THSD4: variants seen among roughly 807,000 people sequenced by gnomAD.
THSD4 encodes thrombospondin type 1 domain containing 4, also known as thrombospondin type-1 domain-containing protein 4.
In THSD4, 69 loss-of-function variants were observed where a neutral mutation model predicts 119.0. The ratio of observed to expected loss-of-function variants is 0.58; its 90% CI spans 0.48 to 0.71. THSD4 has a LOEUF of 0.71. THSD4 is among the 30% of genes least tolerant of loss of function. The pLI, the probability that THSD4 is intolerant of heterozygous loss-of-function variation, is 0.00. For synonymous variants in THSD4, 524 were observed against 540.4 expected, an observed-to-expected ratio of 0.97 and a Z score of 0.42; for missense variants, 1,393 against 1,391.1, an observed-to-expected ratio of 1.00 and a Z score of -0.02.
intron 15 of THSD4, among the ~76,000 whole-genome samples, chr15:71,763,859 G>T (rs1270287021): frequency 6.6e-6 from 1 of 152,176 alleles, no homozygotes; most frequent in African/African-American, 2.4e-5. Context: ...GGGTTCAGGA[G>T]TTCAAGACCA....
chr15:71,645,423 A>G (rs1168753802), intron 7 of THSD4, among the ~76,000 whole-genome samples: 2 of 152,174 alleles, frequency 1.3e-5, no homozygotes, highest in African/African-American at 4.8e-5. Flanking sequence ...ACTTACCATC[A>G]TGAGAATAGC....
intron 6 of THSD4, among the ~76,000 whole-genome samples, chr15:71,350,842 A>G (rs866388066): frequency 6.6e-6 from 1 of 152,128 alleles, no homozygotes; most frequent in Middle Eastern, 3.4e-3. Flanking sequence ...TTCCAGGCAA[A>G]CCACGTGGCC....
intron 3 of THSD4, among the ~76,000 whole-genome samples, chr15:71,213,248 C>G (rs1246268024): frequency 6.6e-6 from 1 of 152,164 alleles, no homozygotes; most frequent in Non-Finnish European, 1.5e-5. Flanking sequence ...GTCACATTGC[C>G]TTTGTCTCTG....
chr15:71,776,338 G>C (rs1337526145), intron 17 of THSD4, among the ~76,000 whole-genome samples: 1 of 152,140 alleles, frequency 6.6e-6, no homozygotes, highest in Non-Finnish European at 1.5e-5. Flanking sequence ...ACTCACAAAG[G>C]ATCAGATCCA....
intron 8 of THSD4, among the ~76,000 whole-genome samples, chr15:71,711,592 G>A (rs1349167948): frequency 6.6e-6 from 1 of 152,096 alleles, no homozygotes; most frequent in East Asian, 1.9e-4. Context: ...ATGACTCGTT[G>A]TAAATACAGA....
intron 3 of THSD4, among the ~76,000 whole-genome samples, chr15:71,172,710 T>A (rs1290079499): frequency 8.7e-6 from 1 of 115,042 alleles, no homozygotes; most frequent in Non-Finnish European, 1.7e-5. Flanking sequence ...TATATATATA[T>A]ATATATATAT....
chr15:71,163,253 AT>A lies in THSD4; in HGVS notation c.99+8332del, dbSNP rs199649613. ...TGTCTGTGCATCTAGTAAAACAGTC[AT>A]TTTTTTTTTTAAACCTCTGCAATTA... On this transcript the variant is annotated intron_variant, in intron 3 of 17. Coordinates refer to ENST00000261862, the MANE Select transcript of THSD4 (RefSeq NM_024817.3). Among the ~76,000 whole-genome samples, 975 of 144,268 alleles carry A rather than the reference AT, an allele frequency of 6.8e-3. 4 individuals are homozygous for A. Among genetic ancestry groups the A allele is most frequent in the African/African-American group, 0.014 (561 of 39,592 alleles). 94.6% of individuals were successfully genotyped at this position (144,268 alleles called of 152,430 possible).
At chr15:71,586,497 C>T (rs1310879954) in intron 7 of THSD4, among the ~76,000 whole-genome samples, 3 of 152,148 alleles carry the variant, frequency 2.0e-5, no homozygotes, top group African/African-American at 4.8e-5. Context: ...TCCTTGTTGG[C>T]CCTCAGCTGA....
At chr15:71,739,809 TTTTTGC>T (rs1306327090) in intron 11 of THSD4, among the ~76,000 whole-genome samples, 19 of 151,796 alleles carry the variant, frequency 1.3e-4, no homozygotes, top group Admixed American at 7.9e-4. Context: ...TGGTTTTTTT[TTTTTGC>T]TTTGCTTTGC....
At chr15:71,360,064 T>G (rs1049227133) in intron 6 of THSD4, among the ~76,000 whole-genome samples, 2 of 152,174 alleles carry the variant, frequency 1.3e-5, no homozygotes, top group Non-Finnish European at 2.9e-5. Context: ...CTTAGTCTTT[T>G]CTGCAGCTGT....
chr15:71,226,381 T>C (rs1293065442), intron 4 of THSD4, among the ~76,000 whole-genome samples: 2 of 152,220 alleles, frequency 1.3e-5, no homozygotes, highest in African/African-American at 2.4e-5. Context: ...TGTGTGTGTT[T>C]GCATGTGCAC....
intron 7 of THSD4, among the ~76,000 whole-genome samples, chr15:71,659,595 A>G (rs1161903044): frequency 6.6e-6 from 1 of 151,944 alleles, no homozygotes; most frequent in African/African-American, 2.4e-5. Flanking sequence ...TACTTTTTGT[A>G]AAGACTGGAT....
chr15:71,724,372 G>A (rs558151273), intron 8 of THSD4, among the ~76,000 whole-genome samples: 10 of 149,130 alleles, frequency 6.7e-5, no homozygotes, highest in African/African-American at 2.2e-4. Context: ...TGCAAGCTCC[G>A]CCTCCTGGGT....
In THSD4 at chr15:71,321,125, A is replaced by T. The variant is rs186539704; in HGVS notation, c.1015+64410A>T. On this transcript the variant is annotated intron_variant, in intron 6 of 17. Coordinates refer to ENST00000261862, the MANE Select transcript of THSD4 (RefSeq NM_024817.3). ...ACATGATTCCCCGTTTTATAGATGT[A>T]TCAGCTGAGACTAGCAGAGATGAAA... Among the ~76,000 whole-genome samples the T allele has an allele frequency of 1.1e-4, 17 of 152,384 alleles. No individual in the cohort carries two copies. The East Asian group carries it at 3.3e-3, about 29-fold the overall frequency.
intron 7 of THSD4, among the ~76,000 whole-genome samples, chr15:71,459,641 A>C (rs2047399565): frequency 6.6e-6 from 1 of 152,236 alleles, no homozygotes. Context: ...AGAAACACAT[A>C]CATTCCCAAA....
chr15:71,190,248 C>T (rs542392434), intron 3 of THSD4, among the ~76,000 whole-genome samples: 1 of 152,358 alleles, frequency 6.6e-6, no homozygotes, highest in East Asian at 1.9e-4. Flanking sequence ...CTAACCGACA[C>T]TTCCAAAATC....
chr15:71,167,986 C>T (rs770953389), intron 3 of THSD4, among the ~76,000 whole-genome samples: 5 of 152,182 alleles, frequency 3.3e-5, no homozygotes, highest in East Asian at 3.8e-4. Flanking sequence ...GAAAAGAGGA[C>T]GCTGGTACAG....
chr15:71,373,682 G>C (rs904399209), intron 6 of THSD4, among the ~76,000 whole-genome samples: 1 of 152,162 alleles, frequency 6.6e-6, no homozygotes, highest in Non-Finnish European at 1.5e-5. Context: ...ACTTGCTCCT[G>C]TCCAAATTGC....
intron 8 of THSD4, among the ~76,000 whole-genome samples, chr15:71,726,038 C>T (rs1003579161): frequency 1.3e-5 from 2 of 152,212 alleles, no homozygotes; most frequent in Non-Finnish European, 2.9e-5. Context: ...CCTCAGCCTC[C>T]CAAAGTGCTG....
Sources: allele counts gnomAD v4.1 joint callset (sites outside exome capture counted in the v4.1 genomes callset), GRCh38; gene constraint gnomAD v4.1.1; transcripts MANE v1.5; gene names NCBI Gene and HGNC (gene_info 2026-07-23, HGNC 2026-07-21).